The following CHST11 variants were observed in gnomAD, a reference collection of about 807,000 sequenced individuals.
CHST11 encodes the protein C4S-1.
In CHST11, 9 loss-of-function variants were observed where a neutral mutation model predicts 30.4. The observed-to-expected ratio is 0.30, with a 90% confidence interval of 0.18 to 0.52. The LOEUF (loss-of-function observed/expected upper bound fraction) is 0.52. Among genes scored for constraint, CHST11 ranks in the 20% least tolerant of loss-of-function variants. The pLI is 0.97. For missense variants in CHST11, 348 were observed against 460.6 expected (o/e 0.76, Z 2.24); for synonymous variants, 152 against 187.8 (o/e 0.81, Z 1.56).
intron 2 of CHST11, among the ~76,000 whole-genome samples, chr12:104,636,569 T>A (rs1397827946): frequency 6.6e-6 from 1 of 152,162 alleles, no homozygotes; most frequent in Admixed American, 6.5e-5. Context: ...TTCCCCTTGA[T>A]TTTTGTGCCG....
chr12:104,620,949 A>C (rs2136060454), intron 2 of CHST11, among the ~76,000 whole-genome samples: 1 of 152,364 alleles, frequency 6.6e-6, no homozygotes, highest in Non-Finnish European at 1.5e-5. Flanking sequence ...TATCTTGTTA[A>C]GATAAGTCTT....
intron 1 of CHST11, among the ~76,000 whole-genome samples, chr12:104,513,752 C>T (rs2037993002): frequency 6.6e-6 from 1 of 152,158 alleles, no homozygotes; most frequent in Admixed American, 6.5e-5. Flanking sequence ...CTGGAATACT[C>T]CCTGCTGTTC....
intron 2 of CHST11, among the ~76,000 whole-genome samples, chr12:104,740,100 A>G (rs1390452888): frequency 1.3e-5 from 2 of 152,228 alleles, no homozygotes. Flanking sequence ...ACTTAGTTTT[A>G]GTAGGGTCAC....
intron 1 of CHST11, among the ~76,000 whole-genome samples, chr12:104,460,908 C>T (rs996966545): frequency 6.6e-6 from 1 of 152,128 alleles, no homozygotes. Context: ...TTTTATAGGG[C>T]AAGGACCAGG....
At chr12:104,478,968 C>CA (rs1187386186) in intron 1 of CHST11, among the ~76,000 whole-genome samples, 1 of 152,056 alleles carries the variant, frequency 6.6e-6, no homozygotes, top group African/African-American at 2.4e-5. Flanking sequence ...CTGGAAATGA[C>CA]AACATGGAAG....
intron 2 of CHST11, among the ~76,000 whole-genome samples, chr12:104,623,600 C>T (rs1284326357): frequency 2.0e-5 from 3 of 152,088 alleles, no homozygotes; most frequent in Non-Finnish European, 2.9e-5. Flanking sequence ...ATCCCAGCTA[C>T]TCGGGAGGCT....
At chr12:104,675,931 G>A (rs751493028) in intron 2 of CHST11, among the ~76,000 whole-genome samples, 26 of 150,666 alleles carry the variant, frequency 1.7e-4, no homozygotes, top group Non-Finnish European at 3.4e-4. Context: ...TCAGGGTCAC[G>A]TGTGCTGTGG....
At chr12:104,672,119 G>A (rs938005649) in intron 2 of CHST11, among the ~76,000 whole-genome samples, 2 of 152,178 alleles carry the variant, frequency 1.3e-5, no homozygotes, top group Non-Finnish European at 1.5e-5. Flanking sequence ...TGGGTAGCTC[G>A]AGTTCTCCAT....
chr12:104,661,481 GAGA>G (rs1285962080), intron 2 of CHST11, among the ~76,000 whole-genome samples: 3 of 152,196 alleles, frequency 2.0e-5, no homozygotes, highest in Non-Finnish European at 2.9e-5. Context: ...AGGCCGAGGT[GAGA>G]AGATCACTTA....
chr12:104,678,714 GT>G (rs2039765589), intron 2 of CHST11, among the ~76,000 whole-genome samples: 1 of 151,970 alleles, frequency 6.6e-6, no homozygotes, highest in South Asian at 2.1e-4. Flanking sequence ...AAAGGACAAG[GT>G]TTTTATTTTT....
intron 2 of CHST11, among the ~76,000 whole-genome samples, chr12:104,697,371 G>A (rs530951491): frequency 5.3e-5 from 8 of 152,256 alleles, no homozygotes; most frequent in African/African-American, 9.6e-5. Flanking sequence ...CAGTGTGGCC[G>A]GGCATCCTTC....
At position 104,757,334 on chromosome 12, in the gene CHST11, G is replaced by A. The variant is rs142353826; in HGVS notation, c.590G>A (p.Arg197His). 8 of 1,613,934 alleles carry A rather than the reference G, an allele frequency of 5.0e-6. No homozygotes were observed. Among genetic ancestry groups the A allele is most frequent in the African/African-American group, 1.3e-5 (1 of 74,860 alleles). Reference sequence around the variant, plus strand: ...TTCGAGAGGCTAGTGTCCGCCTACCGCAACAAGTTCACCCAGAAGTACAAC... The same window carrying A: ...TTCGAGAGGCTAGTGTCCGCCTACCACAACAAGTTCACCCAGAAGTACAAC... Reference protein sequence around the residue: ...EPFERLVSAYRNKFTQKYNIS... With the variant: ...EPFERLVSAYHNKFTQKYNIS... The change falls in exon 3 of 3, where the codon CGC becomes CAC. Residue 197 changes from arginine (R) to histidine (H), a missense_variant. By Grantham distance (29) the Arg-to-His change is conservative. This residue lies in a region of CHST11 where 210 missense variants were observed against 287.2 expected (regional missense o/e 0.73). Transcript: ENST00000303694. This position sits in a 1 kb window ranked among gnomAD's most constrained non-coding sequence, Gnocchi z 6.5.
chr12:104,669,598 C>G (rs2039672377), intron 2 of CHST11, among the ~76,000 whole-genome samples: 1 of 152,200 alleles, frequency 6.6e-6, no homozygotes, highest in Non-Finnish European at 1.5e-5. Flanking sequence ...CTCCCCCTTT[C>G]TGCAGTGGAC....
rs933581160 is a variant in CHST11, at chr12:104,489,065, G to C, written c.118+31536G>C. On this transcript the variant is annotated intron_variant, in intron 1 of 2. Transcript: ENST00000303694. ...TTTTTTTTCCTTGAGATGGAGTTTT[G>C]CTCTTGTTTTGCCCAGGCTGGAGTG... Among the ~76,000 whole-genome samples the C allele has an allele frequency of 2.0e-5, 3 of 150,378 alleles. No homozygotes were observed. In the East Asian group the frequency reaches 5.8e-4, roughly 29 times the overall value.
At chr12:104,611,199 T>C (rs187431499) in intron 2 of CHST11, among the ~76,000 whole-genome samples, 61 of 151,886 alleles carry the variant, frequency 4.0e-4, no homozygotes, top group African/African-American at 1.4e-3. Context: ...CCAGTGTACC[T>C]AAAAATGATT....
intron 2 of CHST11, among the ~76,000 whole-genome samples, chr12:104,663,881 A>C (rs2039619428): frequency 6.6e-6 from 1 of 152,026 alleles, no homozygotes; most frequent in Non-Finnish European, 1.5e-5. Flanking sequence ...TCATCCATCC[A>C]TCCATCCATC....
Position 104,702,774 on chromosome 12 carries a change from G to C in CHST11, c.205-54175G>C, listed in dbSNP as rs372489634. On this transcript the variant is annotated intron_variant, in intron 2 of 2. Transcript: ENST00000303694. ...TTATCCCCTGCTATTCATCTGAGCT[G>C]ATGTTGGCTCAGACAGTACCAATTC... Among the ~76,000 whole-genome samples the C allele has an allele frequency of 2.7e-3, 412 of 152,362 alleles. 1 individual carries two copies. Among genetic ancestry groups the C allele is most frequent in the Non-Finnish European group, 5.1e-3 (345 of 68,036 alleles).
At chr12:104,754,138 G>A (rs2040456412) in intron 2 of CHST11, among the ~76,000 whole-genome samples, 1 of 152,178 alleles carries the variant, frequency 6.6e-6, no homozygotes, top group South Asian at 2.1e-4. Context: ...GAAACTCCAG[G>A]CCAAGCTGGT....
intron 2 of CHST11, among the ~76,000 whole-genome samples, chr12:104,667,671 T>C (rs2039654071): frequency 6.6e-6 from 1 of 152,206 alleles, no homozygotes; most frequent in Non-Finnish European, 1.5e-5. Flanking sequence ...AGGGGAGCTA[T>C]GAATTCCTCT....
Sources: gnomAD v4.1 joint callset for allele counts (sites outside exome capture counted in the v4.1 genomes callset) on GRCh38, gnomAD v4.1.1 for gene constraint, gnomAD v4.1.1 regional missense constraint, Gnocchi (gnomAD v3.1) non-coding constraint, MANE v1.5 for transcripts, NCBI Gene and HGNC (gene_info 2026-07-23, HGNC 2026-07-21) for gene names.